Variants in ZEB2 observed in about 807,000 individuals in gnomAD.
ZEB2 encodes zinc finger E-box binding homeobox 2, also known as zinc finger E-box-binding homeobox 2.
Under a neutral mutation model 99.9 loss-of-function variants are expected in ZEB2, and 6 were observed. The observed-to-expected ratio is 0.06, with a 90% CI of 0.03 to 0.12. The LOEUF (loss-of-function observed/expected upper bound fraction) is 0.12. Ranked by LOEUF, ZEB2 falls within the 10% of genes least tolerant of loss-of-function variation. The probability of loss-of-function intolerance (pLI) is 1.00; values close to 1 mark genes in which losing one functional copy is unlikely to be tolerated. For synonymous variants in ZEB2, 517 were observed against 542.5 expected, an observed-to-expected ratio of 0.95 and a Z score of 0.65; for missense variants, 969 against 1,502.8, an observed-to-expected ratio of 0.64 and a Z score of 5.87.
At chr2:144,474,929 TGAAAG>T (rs1704410549) in intron 2 of ZEB2, among the ~76,000 whole-genome samples, 1 of 152,172 alleles carries the variant, frequency 6.6e-6, no homozygotes, top group Non-Finnish European at 1.5e-5. Flanking sequence ...CTTTCTTACT[TGAAAG>T]GAAACTCAAC....
chr2:144,423,489 T>C (rs959702255), intron 4 of ZEB2, among the ~76,000 whole-genome samples: 5 of 152,220 alleles, frequency 3.3e-5, no homozygotes, highest in Non-Finnish European at 7.3e-5. Context: ...AGTATTATTA[T>C]CAAGAAACTA....
chr2:144,425,200 G>A (rs1331240066), intron 3 of ZEB2, among the ~76,000 whole-genome samples: 3 of 152,186 alleles, frequency 2.0e-5, no homozygotes, highest in Non-Finnish European at 4.4e-5. Flanking sequence ...CTAAGTATTT[G>A]CACTCATGAA....
intron 4 of ZEB2, among the ~76,000 whole-genome samples, chr2:144,421,871 G>A (rs1703623010): frequency 6.6e-6 from 1 of 151,828 alleles, no homozygotes; most frequent in African/African-American, 2.4e-5. Flanking sequence ...ATTTCCAAAG[G>A]ACATTCCTAT....
intron 4 of ZEB2, among the ~76,000 whole-genome samples, chr2:144,420,742 G>T (rs1258638468): frequency 3.3e-5 from 5 of 152,094 alleles, no homozygotes; most frequent in Non-Finnish European, 7.4e-5. Flanking sequence ...ATGACTGGAA[G>T]AAAGGAGCTG....
chr2:144,487,389 G>A (rs1228977776), intron 2 of ZEB2, among the ~76,000 whole-genome samples: 5 of 152,054 alleles, frequency 3.3e-5, no homozygotes, highest in Non-Finnish European at 5.9e-5. Context: ...CTTATGATTG[G>A]TAAGTGATTG....
intron 2 of ZEB2, among the ~76,000 whole-genome samples, chr2:144,500,498 C>T (rs953334900): frequency 1.3e-5 from 2 of 152,100 alleles, no homozygotes; most frequent in Admixed American, 6.6e-5. Context: ...CTGATTGCTG[C>T]GGCGTATATT....
At chr2:144,393,824 A>G (rs1703184877) in intron 9 of ZEB2, among the ~76,000 whole-genome samples, 1 of 152,242 alleles carries the variant, frequency 6.6e-6, no homozygotes, top group Non-Finnish European at 1.5e-5. Context: ...AATGATTAGC[A>G]TCTTGTTGCT....
chr2:144,509,837 A>G (rs1310054854), intron 2 of ZEB2, among the ~76,000 whole-genome samples: 1 of 152,216 alleles, frequency 6.6e-6, no homozygotes, highest in Non-Finnish European at 1.5e-5. Flanking sequence ...TTGCATGTTG[A>G]AAATGGTGGC....
At chr2:144,513,189 A>T (rs1480596362) in intron 2 of ZEB2, 1 of 1,286,930 alleles carries the variant, frequency 7.8e-7, no homozygotes, top group Non-Finnish European at 1.0e-6. Context: ...TCCGTCCCTC[A>T]TTGCCTCTAA....
intron 2 of ZEB2, among the ~76,000 whole-genome samples, chr2:144,468,079 G>A (rs1704296592): frequency 6.6e-6 from 1 of 152,032 alleles, no homozygotes; most frequent in Non-Finnish European, 1.5e-5. Flanking sequence ...GATCTGGGTT[G>A]GGGGGATCTG....
intron 2 of ZEB2, among the ~76,000 whole-genome samples, chr2:144,471,774 C>T (rs1249040573): frequency 6.6e-6 from 1 of 151,046 alleles, no homozygotes; most frequent in Non-Finnish European, 1.5e-5. Flanking sequence ...GGTCAACATT[C>T]CCTTGAAATC....
At chr2:144,497,952 A>G (rs1490351474) in intron 2 of ZEB2, among the ~76,000 whole-genome samples, 2 of 62,032 alleles carry the variant, frequency 3.2e-5, no homozygotes, top group African/African-American at 7.0e-5. Context: ...TATATATTAT[A>G]TAATATATAT....
At position 144,411,057 on chromosome 2, in the gene ZEB2, CTATATATATATATATATATA is replaced by C. The variant is rs4008310; in HGVS notation, c.404-6053_404-6034del. 5.3e-3 allele frequency among the ~76,000 whole-genome samples: 217 copies of C among 40,780 alleles called. 2 individuals are homozygous for C. The highest frequency in any genetic ancestry group is 9.4e-3 in the South Asian group (10 of 1,064). 26.8% of individuals were successfully genotyped at this position (40,780 alleles called of 152,430 possible). A position where few individuals can be genotyped will look rare whatever the true frequency, so the allele number is the denominator to read the frequency against. On this transcript the variant is annotated intron_variant, in intron 4 of 9. Coordinates refer to ENST00000627532, the MANE Select transcript of ZEB2 (RefSeq NM_014795.4). ...GTGATTCTGCAATATACAGACATGTCTATATATATATATATATATATATATATATATATATATATATATGT... is the reference window on the plus strand; with the variant it reads ...GTGATTCTGCAATATACAGACATGTCTATATATATATATATATATATATGT...
intron 2 of ZEB2, among the ~76,000 whole-genome samples, chr2:144,439,021 T>C (rs1041627905): frequency 6.6e-6 from 1 of 150,740 alleles, no homozygotes; most frequent in Non-Finnish European, 1.5e-5. Context: ...CCAAACAATG[T>C]GAGGGGAAAA....
At chr2:144,490,327 T>C (rs968168402) in intron 2 of ZEB2, among the ~76,000 whole-genome samples, 9 of 152,202 alleles carry the variant, frequency 5.9e-5, no homozygotes, top group African/African-American at 2.2e-4. Flanking sequence ...ATAATAATGA[T>C]ACAATAAATG....
At chr2:144,440,515 A>ATATT (rs1703899127) in intron 2 of ZEB2, among the ~76,000 whole-genome samples, 2 of 32,846 alleles carry the variant, frequency 6.1e-5, no homozygotes, top group African/African-American at 1.6e-4. Flanking sequence ...ATATATATAT[A>ATATT]TTTTTTTTTT....
chr2:144,494,012 C>G (rs113320350), intron 2 of ZEB2, among the ~76,000 whole-genome samples: 2,565 of 151,752 alleles, frequency 0.017, 33 homozygotes, highest in Non-Finnish European at 0.022. Flanking sequence ...ATTAGCCGGG[C>G]GTGGTTGCAG....
intron 2 of ZEB2, chr2:144,496,405 C>T (rs1233160977): frequency 6.6e-6 from 1 of 152,146 alleles, no homozygotes; most frequent in Non-Finnish European, 1.5e-5. Context: ...GGATCAACAA[C>T]CATTTTTTAT....
At chr2:144,412,718 T>TATC (rs1703482743) in intron 4 of ZEB2, among the ~76,000 whole-genome samples, 1 of 152,136 alleles carries the variant, frequency 6.6e-6, no homozygotes, top group Admixed American at 6.5e-5. Context: ...ATTGGTCCCA[T>TATC]ATTATTATTA....
Sources: allele counts gnomAD v4.1 joint callset (sites outside exome capture counted in the v4.1 genomes callset), GRCh38; gene constraint gnomAD v4.1.1; transcripts MANE v1.5; gene names NCBI Gene and HGNC (gene_info 2026-07-23, HGNC 2026-07-21).